The following CNNM2 variants were observed in gnomAD, a reference collection of about 807,000 sequenced individuals.
CNNM2 encodes metal transporter CNNM2.
In CNNM2, 12 loss-of-function variants were observed where a neutral mutation model predicts 66.9. That is an observed-to-expected ratio of 0.18 (90% confidence interval 0.11 to 0.29). The LOEUF is 0.29. Among genes scored for constraint, CNNM2 ranks in the 10% least tolerant of loss-of-function variants. The pLI, the probability that CNNM2 is intolerant of heterozygous loss-of-function variation, is 1.00. For synonymous variants in CNNM2, 557 were observed against 501.8 expected, an observed-to-expected ratio of 1.11 and a Z score of -1.47; for missense variants, 705 against 1,167.7, an observed-to-expected ratio of 0.60 and a Z score of 5.77.
At chr10:102,953,528 C>T (rs1037628003) in intron 1 of CNNM2, among the ~76,000 whole-genome samples, 5 of 151,964 alleles carry the variant, frequency 3.3e-5, no homozygotes, top group African/African-American at 4.8e-5. Context: ...TCCCAAAGTG[C>T]TAGGATTACA....
At chr10:103,030,594 G>A in intron 1 of CNNM2, among the ~76,000 whole-genome samples, 1 of 152,154 alleles carries the variant, frequency 6.6e-6, no homozygotes, top group Non-Finnish European at 1.5e-5. Flanking sequence ...CACACCTGTA[G>A]TCCCAGCCAC....
At chr10:103,014,599 T>C (rs1322498292) in intron 1 of CNNM2, among the ~76,000 whole-genome samples, 1 of 152,212 alleles carries the variant, frequency 6.6e-6, no homozygotes, top group Non-Finnish European at 1.5e-5. Flanking sequence ...AGCCCACTTT[T>C]CTTTAAACCT....
chr10:103,023,490 G>A (rs1464279209), intron 1 of CNNM2, among the ~76,000 whole-genome samples: 1 of 152,150 alleles, frequency 6.6e-6, no homozygotes, highest in Admixed American at 6.5e-5. Flanking sequence ...GGAGATTTTG[G>A]TGAGCCGAGA....
rs1172020284 is a variant in CNNM2, at chr10:103,079,361, T to G, written c.*2181T>G. 6.6e-6 allele frequency: 1 copy of G among 152,300 alleles called. No individual in the cohort carries two copies. Among genetic ancestry groups the G allele is most frequent in the Non-Finnish European group, 1.5e-5 (1 of 68,118 alleles). 9.4% of individuals were successfully genotyped at this position (152,300 alleles called of 1,614,324 possible). On this transcript the variant is annotated 3_prime_UTR_variant, in exon 8 of 8. Coordinates refer to ENST00000369878, the MANE Select transcript of CNNM2 (RefSeq NM_017649.5). ...AGCCAAGCCTGCCTAGCCCAGCTTC[T>G]CTGGCCTCAGGAACTCTGCCCTGTC...
At chr10:102,961,318 G>C (rs947935179) in intron 1 of CNNM2, among the ~76,000 whole-genome samples, 2 of 152,146 alleles carry the variant, frequency 1.3e-5, no homozygotes, top group Non-Finnish European at 2.9e-5. Flanking sequence ...ATTTGATTCT[G>C]CTGTCTTAAC....
chr10:103,085,445 G>A lies in CNNM2; in HGVS notation c.*8265G>A, dbSNP rs990618819. 3.9e-5 allele frequency: 6 copies of A among 152,212 alleles called. No homozygotes were observed. The highest frequency in any genetic ancestry group is 8.8e-5 in the Non-Finnish European group (6 of 68,042). The allele number at this position is 152,212 out of a possible 1,614,324, so 9.4% of individuals were successfully genotyped here. On this transcript the variant is annotated 3_prime_UTR_variant, in exon 8 of 8. Transcript: ENST00000369878. Reference sequence around the variant, plus strand: ...CAAGTATCTCAAGAACTTGTGAGACGTGGAAGGACTATTGCTGCCTTTCGT... The same window carrying A: ...CAAGTATCTCAAGAACTTGTGAGACATGGAAGGACTATTGCTGCCTTTCGT...
chr10:103,024,140 A>G (rs1359889517), intron 1 of CNNM2, among the ~76,000 whole-genome samples: 3 of 152,156 alleles, frequency 2.0e-5, no homozygotes, highest in African/African-American at 7.2e-5. Flanking sequence ...TTTGCATTGC[A>G]TTGTGATATT....
intron 1 of CNNM2, among the ~76,000 whole-genome samples, chr10:102,976,611 ATTTTTT>A (rs66498944): frequency 7.1e-4 from 42 of 59,440 alleles, no homozygotes; most frequent in Middle Eastern, 0.015. Context: ...CGCCCAGGTA[ATTTTTT>A]TTTTTTTTTT....
At chr10:103,046,211 T>A (rs868392654) in intron 1 of CNNM2, among the ~76,000 whole-genome samples, 8 of 152,242 alleles carry the variant, frequency 5.3e-5, no homozygotes, top group Middle Eastern at 3.2e-3. Flanking sequence ...TTATGTTTGG[T>A]CATGGTCTTC....
intron 1 of CNNM2, among the ~76,000 whole-genome samples, chr10:102,980,613 A>G (rs905301072): frequency 1.3e-5 from 2 of 151,828 alleles, no homozygotes; most frequent in Non-Finnish European, 2.9e-5. Context: ...AAAGATAAGG[A>G]CTTTCCTTTT....
At position 103,089,477 on chromosome 10, in the gene CNNM2, G is replaced by T; in HGVS notation, c.*12297G>T. 2.2e-6 allele frequency: 2 copies of T among 910,266 alleles called. No homozygotes were observed. The highest frequency in any genetic ancestry group is 3.7e-5 in the Admixed American group (1 of 27,016). The allele number at this position is 910,266 out of a possible 1,614,324, so 56.4% of individuals were successfully genotyped here. A position where few individuals can be genotyped will look rare whatever the true frequency, so the allele number is the denominator to read the frequency against. Reference sequence around the variant, plus strand: ...TAATACAGACTCCATTACAATTTTGGACCATCTGCAGAGAGTACAGATACA... The same window carrying T: ...TAATACAGACTCCATTACAATTTTGTACCATCTGCAGAGAGTACAGATACA... On this transcript the variant is annotated 3_prime_UTR_variant, in exon 8 of 8. Transcript: ENST00000369878.
intron 1 of CNNM2, among the ~76,000 whole-genome samples, chr10:102,960,330 A>T (rs2063360609): frequency 6.6e-6 from 1 of 152,218 alleles, no homozygotes; most frequent in African/African-American, 2.4e-5. Context: ...TACTGTGCAG[A>T]TCATGACTGA....
At chr10:102,995,707 A>G (rs1458418498) in intron 1 of CNNM2, among the ~76,000 whole-genome samples, 4 of 151,902 alleles carry the variant, frequency 2.6e-5, no homozygotes, top group African/African-American at 9.7e-5. Context: ...TTGGAGAAAG[A>G]TGGTAGGCAT....
intron 1 of CNNM2, among the ~76,000 whole-genome samples, chr10:102,945,309 G>T (rs1383999765): frequency 2.0e-5 from 3 of 152,148 alleles, no homozygotes; most frequent in African/African-American, 7.2e-5. Flanking sequence ...CAACTGTGTA[G>T]TTGGTAACAA....
intron 2 of CNNM2, among the ~76,000 whole-genome samples, chr10:103,053,596 TAAAG>T (rs1326397258): frequency 2.0e-5 from 3 of 152,240 alleles, no homozygotes; most frequent in Admixed American, 6.5e-5. Flanking sequence ...GCAGTGTTCA[TAAAG>T]AAAGTTTGAT....
chr10:103,066,403 C>T (rs1461346003), intron 4 of CNNM2, among the ~76,000 whole-genome samples: 1 of 152,164 alleles, frequency 6.6e-6, no homozygotes. Context: ...TCGAATCATG[C>T]TGGTCCCTTA....
At chr10:103,026,569 C>G (rs948103304) in intron 1 of CNNM2, among the ~76,000 whole-genome samples, 1 of 131,418 alleles carries the variant, frequency 7.6e-6, no homozygotes, top group Non-Finnish European at 1.5e-5. Flanking sequence ...CCACTGCACT[C>G]TAGCCTTAGG....
At chr10:103,055,095 C>A (rs934406532) in intron 3 of CNNM2, among the ~76,000 whole-genome samples, 1 of 152,208 alleles carries the variant, frequency 6.6e-6, no homozygotes, top group Non-Finnish European at 1.5e-5. Flanking sequence ...GTTTAAACCA[C>A]CAACCCAGCC....
At chr10:102,935,889 G>T (rs1846222261) in intron 1 of CNNM2, among the ~76,000 whole-genome samples, 1 of 150,766 alleles carries the variant, frequency 6.6e-6, no homozygotes, top group African/African-American at 2.4e-5. Flanking sequence ...AAAGTGTTGG[G>T]ATTACGATAT....
Sources: gnomAD v4.1 joint callset for allele counts (sites outside exome capture counted in the v4.1 genomes callset) on GRCh38, gnomAD v4.1.1 for gene constraint, MANE v1.5 for transcripts, NCBI Gene and HGNC (gene_info 2026-07-23, HGNC 2026-07-21) for gene names.